The following UBXN4 variants were observed in gnomAD, a reference collection of about 807,000 sequenced individuals.
The protein encoded by UBXN4 is UBX domain-containing protein 4.
A neutral mutation model predicts 66.2 loss-of-function variants in UBXN4; 35 were observed. That is an observed-to-expected ratio of 0.53 (90% CI 0.40 to 0.70). The LOEUF is 0.70. Ranked by LOEUF, UBXN4 falls within the 30% of genes least tolerant of loss-of-function variation. UBXN4 has a pLI of 0.00. For missense variants in UBXN4, 533 were observed against 599.8 expected (o/e 0.89, Z 1.16); for synonymous variants, 203 against 204.5 (o/e 0.99, Z 0.06).
In UBXN4 at chr2:135,778,156, G is replaced by A. The variant is rs192602049; in HGVS notation, c.1054-792G>A. Among the ~76,000 whole-genome samples the A allele has an allele frequency of 8.0e-3, 1,076 of 134,836 alleles. 11 individuals are homozygous for A. Among genetic ancestry groups the A allele is most frequent in the African/African-American group, 0.029 (1,011 of 35,046 alleles). 88.5% of individuals were successfully genotyped at this position (134,836 alleles called of 152,430 possible). On this transcript the variant is annotated intron_variant, in intron 10 of 12. Coordinates refer to ENST00000272638, the MANE Select transcript of UBXN4 (RefSeq NM_014607.4). ...CGCGCCACTGCACTCCAGCCTGGGC[G>A]ACAGAGCAAGACTGTCTCAAAAAAA...
chr2:135,752,669 A>G (rs1288789453), intron 2 of UBXN4, among the ~76,000 whole-genome samples: 1 of 152,190 alleles, frequency 6.6e-6, no homozygotes, highest in African/African-American at 2.4e-5. Context: ...CAGATACCAA[A>G]TTAATTTTTT....
Position 135,778,994 on chromosome 2 carries a change from C to G in UBXN4, c.1100C>G (p.Pro367Arg), listed in dbSNP as rs2077434413. The G allele has an allele frequency of 1.2e-6, 2 of 1,613,134 alleles. No homozygotes were observed. Among genetic ancestry groups the G allele is most frequent in the Non-Finnish European group, 1.7e-6 (2 of 1,179,626 alleles). ...AATTTTTCGTTAGCAACCATGTTTCCCAGGAGGGAATTTACCAAAGAAGAT... is the reference window on the plus strand; with the variant it reads ...AATTTTTCGTTAGCAACCATGTTTCGCAGGAGGGAATTTACCAAAGAAGAT... ...YGNFSLATMF[P>R]RREFTKEDYK... Residue 367 changes from proline to arginine, a missense_variant, in exon 11 of 13, where the codon CCC becomes CGC. Physicochemically the swap from Pro to Arg is moderately radical, Grantham distance 103. Around this residue, in one of 2 missense-constraint regions of UBXN4, gnomAD observed 529 missense variants for 580.1 expected, o/e 0.91. Coordinates refer to ENST00000272638, the MANE Select transcript of UBXN4 (RefSeq NM_014607.4).
At chr2:135,748,659 G>C (rs1236508024) in intron 2 of UBXN4, among the ~76,000 whole-genome samples, 1 of 151,486 alleles carries the variant, frequency 6.6e-6, no homozygotes, top group Non-Finnish European at 1.5e-5. Flanking sequence ...CTGAAGACTG[G>C]GGCTACAGTG....
Position 135,761,922 on chromosome 2 carries a change from C to G in UBXN4, c.602+11C>G. 6.2e-7 allele frequency: 1 copy of G among 1,603,274 alleles called. No individual in the cohort carries two copies. Among genetic ancestry groups the G allele is most frequent in the Non-Finnish European group, 8.5e-7 (1 of 1,177,058 alleles). On this transcript the variant is annotated intron_variant, in intron 6 of 12. Coordinates refer to ENST00000272638, the MANE Select transcript of UBXN4 (RefSeq NM_014607.4). ...CATCCGAGTGGAAAGGTTTGCTCTT[C>G]TTTTTGCAAATAGCATTTTGTTTAA...
At chr2:135,759,416 T>G (rs1290866280) in intron 5 of UBXN4, among the ~76,000 whole-genome samples, 1 of 152,164 alleles carries the variant, frequency 6.6e-6, no homozygotes, top group African/African-American at 2.4e-5. Flanking sequence ...TTGCTATTGG[T>G]TGATGTGTTT....
intron 6 of UBXN4, among the ~76,000 whole-genome samples, chr2:135,765,721 C>G (rs1056628043): frequency 5.3e-5 from 8 of 151,760 alleles, no homozygotes; most frequent in African/African-American, 1.7e-4. Flanking sequence ...CCTCAGCATG[C>G]AGCTCCTAGG....
At chr2:135,775,571 T>C (rs1368369637) in intron 9 of UBXN4, among the ~76,000 whole-genome samples, 1 of 152,156 alleles carries the variant, frequency 6.6e-6, no homozygotes, top group African/African-American at 2.4e-5. Context: ...TTACACAACA[T>C]GCCCAAAATA....
chr2:135,752,097 G>C (rs760895587), intron 2 of UBXN4, among the ~76,000 whole-genome samples: 1 of 151,950 alleles, frequency 6.6e-6, no homozygotes, highest in Non-Finnish European at 1.5e-5. Flanking sequence ...CCCTGAGCTG[G>C]AGTGCAATGG....
chr2:135,765,100 C>T (rs1273146252), intron 6 of UBXN4, among the ~76,000 whole-genome samples: 4 of 152,194 alleles, frequency 2.6e-5, no homozygotes, highest in Admixed American at 2.6e-4. Flanking sequence ...AGGCTTGAGC[C>T]ACCACGTCTG....
At chr2:135,768,976 A>T (rs1457256365) in intron 6 of UBXN4, among the ~76,000 whole-genome samples, 1 of 151,988 alleles carries the variant, frequency 6.6e-6, no homozygotes, top group Non-Finnish European at 1.5e-5. Flanking sequence ...TGCTGAGATT[A>T]CACATGTGAG....
Position 135,753,352 on chromosome 2 carries a change from AAAAC to A in UBXN4, c.186-182_186-179del, listed in dbSNP as rs1403302303. On this transcript the variant is annotated intron_variant, in intron 2 of 12. Transcript: ENST00000272638. The stretch of plus-strand genomic sequence containing the variant: ...AATAATTCTTTCATTTGAAAATTAT[AAAAC>A]AAACCAGAAAAAGTCTTAATGAAAT... Among the ~76,000 whole-genome samples, 5 of 152,324 alleles carry A rather than the reference AAAAC, an allele frequency of 3.3e-5. No individual in the cohort carries two copies. The East Asian group carries it at 9.6e-4, about 29-fold the overall frequency.
intron 6 of UBXN4, 22 bp from the exon 7 acceptor site, chr2:135,769,746 TG>T: frequency 5.4e-6 from 8 of 1,476,784 alleles, no homozygotes; most frequent in Non-Finnish European, 7.3e-6. Context: ...CAATTAGTGG[TG>T]GTTTTTTTTT....
At chr2:135,770,462 T>C in intron 7 of UBXN4, 109 bp from the exon 8 acceptor site, 1 of 738,160 alleles carries the variant, frequency 1.4e-6, no homozygotes, top group Non-Finnish European at 2.1e-6. Flanking sequence ...CGTCTAGACT[T>C]ACATTTTATG....
intron 10 of UBXN4, among the ~76,000 whole-genome samples, 193 bp downstream of exon 10, chr2:135,776,544 G>A (rs1452471090): frequency 6.6e-6 from 1 of 152,202 alleles, no homozygotes; most frequent in African/African-American, 2.4e-5. Flanking sequence ...TCTGCTTTGT[G>A]TGCAGAAGTA....
chr2:135,743,064 GTTAAT>G (rs1394736801), intron 1 of UBXN4, among the ~76,000 whole-genome samples: 2 of 152,288 alleles, frequency 1.3e-5, no homozygotes, highest in East Asian at 3.9e-4. Context: ...TGTGGCTGTT[GTTAAT>G]TTGAGGTGTA....
intron 6 of UBXN4, among the ~76,000 whole-genome samples, chr2:135,768,633 G>A (rs1250440885): frequency 1.3e-5 from 2 of 151,062 alleles, no homozygotes; most frequent in Non-Finnish European, 2.9e-5. Flanking sequence ...ACATGATCTC[G>A]GCTCACTGCA....
intron 3 of UBXN4, 76 bp downstream of exon 3, chr2:135,753,643 A>G (rs765642935): frequency 1.6e-6 from 2 of 1,231,570 alleles, no homozygotes; most frequent in East Asian, 5.8e-5. Flanking sequence ...GAAATTTAGA[A>G]ATTATTCATT....
chr2:135,777,515 C>T (rs763334274), intron 10 of UBXN4, among the ~76,000 whole-genome samples: 4 of 152,110 alleles, frequency 2.6e-5, no homozygotes, highest in Non-Finnish European at 5.9e-5. Flanking sequence ...ACAATGTGTC[C>T]CCTGTCCTGA....
At position 135,780,102 on chromosome 2, in the gene UBXN4, A is replaced by G. The variant is rs899952172; in HGVS notation, c.1186-81A>G. On this transcript the variant is annotated intron_variant, in intron 11 of 12. Transcript: ENST00000272638. ...AAATTGGTAGGACCTCCTTTTCCAG[A>G]TAAAAGTTTCATCTGGAACCTTGGG... is the stretch of plus-strand genomic sequence containing the variant. The G allele has an allele frequency of 4.9e-5, 69 of 1,394,374 alleles. 1 individual carries two copies. In the Admixed American group the frequency reaches 1.3e-3, roughly 27 times the overall value. 86.4% of individuals were successfully genotyped at this position (1,394,374 alleles called of 1,614,324 possible).
Sources: gnomAD v4.1 joint callset for allele counts (sites outside exome capture counted in the v4.1 genomes callset) on GRCh38, gnomAD v4.1.1 for gene constraint, gnomAD v4.1.1 regional missense constraint, MANE v1.5 for transcripts, NCBI Gene and HGNC (gene_info 2026-07-23, HGNC 2026-07-21) for gene names.